The following KHDRBS3 variants were observed in gnomAD, a reference collection of about 807,000 sequenced individuals.
KHDRBS3 encodes the protein KH domain-containing, RNA-binding, signal transduction-associated protein 3.
A neutral mutation model predicts 45.6 loss-of-function variants in KHDRBS3; 23 were observed. That is an observed-to-expected ratio of 0.50 (90% CI 0.36 to 0.72). KHDRBS3 has a LOEUF of 0.72. Ranked by LOEUF, KHDRBS3 falls within the 30% of genes least tolerant of loss-of-function variation. The pLI, the probability that KHDRBS3 is intolerant of heterozygous loss-of-function variation, is 0.00. For missense variants in KHDRBS3, 352 were observed against 424.8 expected (o/e 0.83, Z 1.51); for synonymous variants, 162 against 156.5 (o/e 1.04, Z -0.26).
chr8:135,553,747 G>C (rs1433198502), intron 4 of KHDRBS3, among the ~76,000 whole-genome samples: 3 of 152,088 alleles, frequency 2.0e-5, no homozygotes, highest in Non-Finnish European at 4.4e-5. Flanking sequence ...ACATACATTT[G>C]AATAGATTGT....
At chr8:135,611,126 G>T (rs980231375) in intron 7 of KHDRBS3, among the ~76,000 whole-genome samples, 3 of 151,832 alleles carry the variant, frequency 2.0e-5, no homozygotes, top group Non-Finnish European at 2.9e-5. Flanking sequence ...TCTTTGAAGT[G>T]ATCTTTTCTG....
chr8:135,529,890 TACAAA>T (rs903940089), intron 2 of KHDRBS3, among the ~76,000 whole-genome samples: 2 of 151,256 alleles, frequency 1.3e-5, no homozygotes, highest in Non-Finnish European at 2.9e-5. Flanking sequence ...CTACTAAAAA[TACAAA>T]AAAAAATTAG....
chr8:135,614,403 C>A (rs1003105819), intron 7 of KHDRBS3, among the ~76,000 whole-genome samples: 1 of 151,884 alleles, frequency 6.6e-6, no homozygotes, highest in South Asian at 2.1e-4. Context: ...TTATTCTAAG[C>A]TAAGTGGAAT....
intron 1 of KHDRBS3, among the ~76,000 whole-genome samples, chr8:135,495,968 A>G (rs957029925): frequency 6.6e-6 from 1 of 152,012 alleles, no homozygotes; most frequent in African/African-American, 2.4e-5. Flanking sequence ...GCAAGTAAAT[A>G]TTACTTTTGA....
At chr8:135,554,775 C>A (rs1389188479) in intron 4 of KHDRBS3, among the ~76,000 whole-genome samples, 3 of 152,124 alleles carry the variant, frequency 2.0e-5, no homozygotes, top group Non-Finnish European at 4.4e-5. Flanking sequence ...AGTTTCAAGT[C>A]ATTTTTTGCA....
intron 2 of KHDRBS3, among the ~76,000 whole-genome samples, chr8:135,528,084 G>T (rs1825282967): frequency 6.6e-6 from 1 of 152,090 alleles, no homozygotes; most frequent in Non-Finnish European, 1.5e-5. Context: ...TTATTAATTT[G>T]ATAATTGTCC....
chr8:135,506,021 G>T (rs967871620), intron 1 of KHDRBS3, among the ~76,000 whole-genome samples: 1 of 152,180 alleles, frequency 6.6e-6, no homozygotes, highest in South Asian at 2.1e-4. Context: ...CCAGGACAGC[G>T]TATAGGCGGG....
At chr8:135,592,278 C>T (rs766493085) in intron 6 of KHDRBS3, among the ~76,000 whole-genome samples, 1 of 149,350 alleles carries the variant, frequency 6.7e-6, no homozygotes, top group African/African-American at 2.5e-5. Context: ...TACGTTAAAA[C>T]AACAACAAAA....
chr8:135,643,339 C>T (rs1021158063), intron 7 of KHDRBS3, among the ~76,000 whole-genome samples: 2 of 152,190 alleles, frequency 1.3e-5, no homozygotes, highest in African/African-American at 4.8e-5. Flanking sequence ...GGAGGTGCCC[C>T]TTCTCCGTAT....
intron 1 of KHDRBS3, among the ~76,000 whole-genome samples, chr8:135,460,798 T>A (rs1821389607): frequency 6.6e-6 from 1 of 152,230 alleles, no homozygotes; most frequent in African/African-American, 2.4e-5. Flanking sequence ...AGCCCTCCTG[T>A]GACTAGTGTA....
intron 3 of KHDRBS3, 116 bp downstream of exon 3, chr8:135,542,886 A>G (rs1467964474): frequency 2.8e-6 from 2 of 706,074 alleles, no homozygotes; most frequent in Non-Finnish European, 2.4e-6. Flanking sequence ...GATACTGTTT[A>G]GAAAATTGAG....
At chr8:135,646,211 T>C (rs969286725) in intron 8 of KHDRBS3, among the ~76,000 whole-genome samples, 18 of 152,138 alleles carry the variant, frequency 1.2e-4, no homozygotes, top group Non-Finnish European at 2.6e-4. Flanking sequence ...TTTAAATTGC[T>C]GTATGTTGCA....
At position 135,647,116 on chromosome 8, in the gene KHDRBS3, C is replaced by T. The variant is rs1214767799; in HGVS notation, c.*32C>T. The T allele has an allele frequency of 4.4e-6, 5 of 1,146,780 alleles. No homozygotes were observed. Among genetic ancestry groups the T allele is most frequent in the Non-Finnish European group, 6.6e-6 (5 of 754,232 alleles). 71.0% of individuals were successfully genotyped at this position (1,146,780 alleles called of 1,614,324 possible). Reference sequence around the variant, plus strand: ...TGTCTGATGTTGTGAAATAGCCAATCTCCACCAGTCCTGTATACTGTTCAA... The same window carrying T: ...TGTCTGATGTTGTGAAATAGCCAATTTCCACCAGTCCTGTATACTGTTCAA... On this transcript the variant is annotated 3_prime_UTR_variant, in exon 9 of 9. Transcript: ENST00000355849.
chr8:135,502,985 C>T (rs1470477516), intron 1 of KHDRBS3, among the ~76,000 whole-genome samples: 2 of 152,180 alleles, frequency 1.3e-5, no homozygotes, highest in African/African-American at 4.8e-5. Flanking sequence ...TTCAAGTGCT[C>T]ACTAGCCACG....
intron 1 of KHDRBS3, among the ~76,000 whole-genome samples, chr8:135,516,502 G>T (rs1344615182): frequency 6.6e-6 from 1 of 151,930 alleles, no homozygotes; most frequent in African/African-American, 2.4e-5. Context: ...GTCGCTACAT[G>T]ATGTAAAACT....
chr8:135,536,984 AAAAAAAAAAAAAAG>A lies in KHDRBS3; in HGVS notation c.208-5669_208-5656del, dbSNP rs1215496444. 5.5e-4 allele frequency among the ~76,000 whole-genome samples: 29 copies of A among 52,874 alleles called. 1 individual carries two copies. Among genetic ancestry groups the A allele is most frequent in the African/African-American group, 2.3e-3 (26 of 11,292 alleles). The allele number at this position is 52,874 out of a possible 152,430, so 34.7% of individuals were successfully genotyped here. A position where few individuals can be genotyped will look rare whatever the true frequency, so the allele number is the denominator to read the frequency against. On this transcript the variant is annotated intron_variant, in intron 2 of 8. Transcript: ENST00000355849. ...TCCATCTCAAAAAAAAAAAAAAAAA[AAAAAAAAAAAAAAG>A]GAGATGTTTAGGAGGTAAAATCATT...
intron 7 of KHDRBS3, among the ~76,000 whole-genome samples, chr8:135,629,950 C>T (rs992973645): frequency 6.6e-6 from 1 of 152,204 alleles, no homozygotes; most frequent in Non-Finnish European, 1.5e-5. Flanking sequence ...AGACAATGGG[C>T]AGAAACACCT....
chr8:135,603,415 A>G (rs1829307052), intron 6 of KHDRBS3, among the ~76,000 whole-genome samples: 1 of 152,206 alleles, frequency 6.6e-6, no homozygotes, highest in Non-Finnish European at 1.5e-5. Flanking sequence ...ATCATCTCAA[A>G]GTATTTGTTT....
At chr8:135,578,405 G>A (rs1828046746) in intron 5 of KHDRBS3, among the ~76,000 whole-genome samples, 2 of 150,000 alleles carry the variant, frequency 1.3e-5, no homozygotes, top group East Asian at 3.9e-4. Flanking sequence ...TGTGAAATAT[G>A]TCTGTGTCTA....
Sources: gnomAD v4.1 joint callset for allele counts (sites outside exome capture counted in the v4.1 genomes callset) on GRCh38, gnomAD v4.1.1 for gene constraint, MANE v1.5 for transcripts, NCBI Gene and HGNC (gene_info 2026-07-23, HGNC 2026-07-21) for gene names.